The following ROBO2 variants were observed in gnomAD, a reference collection of about 807,000 sequenced individuals.
The protein encoded by ROBO2 is roundabout guidance receptor 2, also known as roundabout homolog 2.
ROBO2 carries 53 observed loss-of-function variants against 160.8 expected under a neutral mutation model. The observed-to-expected ratio is 0.33, with a 90% CI of 0.26 to 0.41. The LOEUF is 0.41. ROBO2 is among the 10% of genes least tolerant of loss of function. ROBO2 has a pLI of 1.00. For synonymous variants in ROBO2, 664 were observed against 611.7 expected, an observed-to-expected ratio of 1.09 and a Z score of -1.26; for missense variants, 1,577 against 1,722.4, an observed-to-expected ratio of 0.92 and a Z score of 1.49.
chr3:76,555,436 G>GA (rs1454471986), intron 2 of ROBO2, among the ~76,000 whole-genome samples: 240 of 100,036 alleles, frequency 2.4e-3, no homozygotes, highest in African/African-American at 7.1e-3. Flanking sequence ...AGAAGGGGAA[G>GA]GGGAAGAGGA....
chr3:76,326,358 T>G (rs1288505643), intron 2 of ROBO2, among the ~76,000 whole-genome samples: 1 of 151,914 alleles, frequency 6.6e-6, no homozygotes, highest in Non-Finnish European at 1.5e-5. Flanking sequence ...TGTCCAGTAT[T>G]TTTTTTGATG....
intron 2 of ROBO2, among the ~76,000 whole-genome samples, chr3:76,225,551 C>T (rs1305148737): frequency 4.6e-5 from 7 of 151,846 alleles, no homozygotes; most frequent in Admixed American, 4.6e-4. Context: ...CCAGTCTTTA[C>T]AAAAATACAA....
At chr3:77,336,167 C>G (rs546388463) in intron 2 of ROBO2, among the ~76,000 whole-genome samples, 149 of 152,250 alleles carry the variant, frequency 9.8e-4, no homozygotes, top group African/African-American at 3.5e-3. Flanking sequence ...TCTACTTGCA[C>G]AAATGCAGTT....
chr3:76,093,163 T>G (rs2069300495), intron 2 of ROBO2, among the ~76,000 whole-genome samples: 1 of 152,160 alleles, frequency 6.6e-6, no homozygotes, highest in African/African-American at 2.4e-5. Context: ...TCTGTTGTCT[T>G]TATGTGAATG....
At chr3:76,575,808 C>T (rs1001492239) in intron 2 of ROBO2, among the ~76,000 whole-genome samples, 1 of 151,974 alleles carries the variant, frequency 6.6e-6, no homozygotes, top group Non-Finnish European at 1.5e-5. Context: ...ATAAGCCCCT[C>T]AGTAAAAGAG....
At chr3:75,953,434 T>G (rs1284982295) in intron 2 of ROBO2, among the ~76,000 whole-genome samples, 1 of 151,970 alleles carries the variant, frequency 6.6e-6, no homozygotes, top group Non-Finnish European at 1.5e-5. Flanking sequence ...GTTGTTTTCT[T>G]TCTTATTTTC....
At chr3:76,928,932 A>G (rs538532666) in intron 2 of ROBO2, among the ~76,000 whole-genome samples, 14 of 152,256 alleles carry the variant, frequency 9.2e-5, no homozygotes, top group African/African-American at 3.4e-4. Context: ...TGGGTTGCTC[A>G]GTACTCACAG....
intron 2 of ROBO2, among the ~76,000 whole-genome samples, chr3:76,251,621 A>C (rs2107555243): frequency 6.6e-6 from 1 of 152,250 alleles, no homozygotes; most frequent in Admixed American, 6.6e-5. Context: ...GAAAGAACTC[A>C]TGAGCATCCT....
At chr3:77,129,655 GTGT>G (rs1420808948) in intron 2 of ROBO2, among the ~76,000 whole-genome samples, 5 of 152,178 alleles carry the variant, frequency 3.3e-5, no homozygotes, top group Admixed American at 2.0e-4. Flanking sequence ...GTGCGGTCGG[GTGT>G]TGTTGTTGAG....
intron 2 of ROBO2, among the ~76,000 whole-genome samples, chr3:76,802,683 G>C (rs946348233): frequency 6.7e-6 from 1 of 149,810 alleles, no homozygotes; most frequent in Non-Finnish European, 1.5e-5. Flanking sequence ...AGCCAAGATG[G>C]CGTCACTGCA....
chr3:76,345,410 GAGTA>G (rs1199868896), intron 2 of ROBO2, among the ~76,000 whole-genome samples: 8 of 145,546 alleles, frequency 5.5e-5, no homozygotes, highest in Admixed American at 4.9e-4. Context: ...TGTGTTTCAA[GAGTA>G]GGCAGGATAT....
At chr3:76,960,363 G>A (rs189299631) in intron 2 of ROBO2, among the ~76,000 whole-genome samples, 2 of 152,046 alleles carry the variant, frequency 1.3e-5, no homozygotes, top group African/African-American at 4.8e-5. Context: ...ATGGGTTGTT[G>A]ATTATTTTCT....
At chr3:76,435,604 T>C (rs1182134649) in intron 2 of ROBO2, among the ~76,000 whole-genome samples, 1 of 152,152 alleles carries the variant, frequency 6.6e-6, no homozygotes, top group African/African-American at 2.4e-5. Flanking sequence ...TGGGGTGGGA[T>C]AGCAGGTCAG....
intron 2 of ROBO2, among the ~76,000 whole-genome samples, chr3:75,993,221 C>T (rs757923261): frequency 6.6e-6 from 1 of 152,114 alleles, no homozygotes. Flanking sequence ...ACCCAAATCT[C>T]ATCTGAAGTT....
intron 2 of ROBO2, among the ~76,000 whole-genome samples, chr3:77,312,127 T>A (rs1049383729): frequency 6.6e-6 from 1 of 152,156 alleles, no homozygotes; most frequent in African/African-American, 2.4e-5. Flanking sequence ...TAAAATTTTT[T>A]AAGTTTTTAT....
At chr3:76,838,976 G>T (rs5745839) in intron 2 of ROBO2, among the ~76,000 whole-genome samples, 16,222 of 152,046 alleles carry the variant, frequency 0.11, 1,022 homozygotes, top group East Asian at 0.23. Flanking sequence ...CCACTGAACT[G>T]AAGTCATTTC....
intron 2 of ROBO2, among the ~76,000 whole-genome samples, chr3:77,334,472 G>C (rs979524496): frequency 2.0e-5 from 3 of 152,116 alleles, no homozygotes; most frequent in Non-Finnish European, 2.9e-5. Flanking sequence ...TTGCTTGTTT[G>C]TTTCGGCCTA....
chr3:76,868,392 T>G (rs1444222958), intron 2 of ROBO2, among the ~76,000 whole-genome samples: 1 of 152,168 alleles, frequency 6.6e-6, no homozygotes, highest in African/African-American at 2.4e-5. Flanking sequence ...TGAACGAGAA[T>G]TGACCACAGA....
intron 2 of ROBO2, among the ~76,000 whole-genome samples, chr3:76,753,313 G>T (rs920299945): frequency 6.6e-6 from 1 of 151,692 alleles, no homozygotes; most frequent in Non-Finnish European, 1.5e-5. Flanking sequence ...ATCAATTTTT[G>T]TTGATTTCCT....
Sources: allele counts gnomAD v4.1 joint callset (sites outside exome capture counted in the v4.1 genomes callset), GRCh38; gene constraint gnomAD v4.1.1; transcripts MANE v1.5; gene names NCBI Gene and HGNC (gene_info 2026-07-23, HGNC 2026-07-21).